Variants in HEMK2 observed in about 807,000 individuals in gnomAD.
HEMK2 encodes HemK methyltransferase 2, ETF1 glutamine and histone H4 lysine.
At chr21:28,618,985 G>C in the HEMK2 span, among the ~76,000 whole-genome samples, 1 of 152,122 alleles carries the variant, frequency 6.6e-6, no homozygotes, top group South Asian at 2.1e-4. Context: ...CTTTACAAAA[G>C]CTATGAAGTT....
chr21:28,853,045 T>C, the HEMK2 span, among the ~76,000 whole-genome samples: 1 of 152,220 alleles, frequency 6.6e-6, no homozygotes, highest in Non-Finnish European at 1.5e-5. Flanking sequence ...AGATCTGGCA[T>C]ATAGAGAAGA....
the HEMK2 span, among the ~76,000 whole-genome samples, chr21:28,786,261 G>A: frequency 6.6e-6 from 1 of 152,204 alleles, no homozygotes; most frequent in African/African-American, 2.4e-5. Context: ...TCACAAGGTT[G>A]TTGCAAAAAC....
chr21:28,761,782 T>C, the HEMK2 span, among the ~76,000 whole-genome samples: 17 of 151,860 alleles, frequency 1.1e-4, no homozygotes, highest in African/African-American at 4.1e-4. Flanking sequence ...ACGCAACAGG[T>C]TGAATAAATG....
At chr21:28,784,394 A>C in the HEMK2 span, among the ~76,000 whole-genome samples, 2 of 151,650 alleles carry the variant, frequency 1.3e-5, no homozygotes, top group African/African-American at 2.4e-5. Flanking sequence ...AAGGTTTGTA[A>C]GTGCACCAAT....
chr21:28,728,218 A>G, the HEMK2 span, among the ~76,000 whole-genome samples: 6 of 152,256 alleles, frequency 3.9e-5, no homozygotes, highest in Non-Finnish European at 8.8e-5. Flanking sequence ...GACACATCCC[A>G]TAATCATCCT....
chr21:28,694,369 C>A, the HEMK2 span, among the ~76,000 whole-genome samples: 1 of 152,198 alleles, frequency 6.6e-6, no homozygotes, highest in Non-Finnish European at 1.5e-5. Context: ...GCTCTAAGTA[C>A]TATGAGAAAA....
chr21:28,610,696 T>C, the HEMK2 span, among the ~76,000 whole-genome samples: 4 of 152,010 alleles, frequency 2.6e-5, no homozygotes, highest in African/African-American at 9.6e-5. Flanking sequence ...GGTAAAGATA[T>C]AGAAAAAAAT....
the HEMK2 span, among the ~76,000 whole-genome samples, chr21:28,821,199 C>T: frequency 6.6e-6 from 1 of 152,144 alleles, no homozygotes; most frequent in Non-Finnish European, 1.5e-5. Context: ...GACCCCGGCC[C>T]CCTCCATTTG....
chr21:28,678,813 G>C, the HEMK2 span, among the ~76,000 whole-genome samples: 3 of 152,154 alleles, frequency 2.0e-5, no homozygotes, highest in East Asian at 1.9e-4. Flanking sequence ...AAGTGAAGGA[G>C]AAATAAAATC....
At chr21:28,731,578 G>A in the HEMK2 span, among the ~76,000 whole-genome samples, 6 of 149,090 alleles carry the variant, frequency 4.0e-5, no homozygotes, top group East Asian at 1.2e-3. Context: ...CTCACAGGAA[G>A]GGGAACATCA....
the HEMK2 span, among the ~76,000 whole-genome samples, chr21:28,848,317 T>C: frequency 2.6e-5 from 4 of 152,338 alleles, no homozygotes; most frequent in Non-Finnish European, 5.9e-5. Flanking sequence ...TTTGTAATTC[T>C]AACTGTAGAA....
the HEMK2 span, among the ~76,000 whole-genome samples, chr21:28,690,392 G>C: frequency 1.3e-5 from 2 of 152,152 alleles, no homozygotes; most frequent in African/African-American, 4.8e-5. Context: ...AGAGGCCCCA[G>C]ATAAGAGCCC....
chr21:28,826,131 G>A, the HEMK2 span, among the ~76,000 whole-genome samples: 1 of 152,212 alleles, frequency 6.6e-6, no homozygotes, highest in South Asian at 2.1e-4. Flanking sequence ...ACTCATGAAA[G>A]TGGAAAAGTT....
At chr21:28,721,187 C>T in the HEMK2 span, among the ~76,000 whole-genome samples, 2 of 152,172 alleles carry the variant, frequency 1.3e-5, no homozygotes, top group Non-Finnish European at 2.9e-5. Context: ...GTAATCATAG[C>T]TCAATGAAGC....
At chr21:28,585,673 T>C in the HEMK2 span, among the ~76,000 whole-genome samples, 1 of 151,262 alleles carries the variant, frequency 6.6e-6, no homozygotes, top group Non-Finnish European at 1.5e-5. Flanking sequence ...TGAAAAAGAG[T>C]GTATGGACAA....
the HEMK2 span, among the ~76,000 whole-genome samples, chr21:28,683,006 C>T: frequency 6.6e-6 from 1 of 151,730 alleles, no homozygotes; most frequent in South Asian, 2.1e-4. Flanking sequence ...TGTAACAAAC[C>T]TGCACGTTGT....
the HEMK2 span, among the ~76,000 whole-genome samples, chr21:28,781,293 C>T: frequency 2.6e-5 from 4 of 152,172 alleles, no homozygotes. Flanking sequence ...TGCTTCTGTT[C>T]TATATCAACT....
the HEMK2 span, among the ~76,000 whole-genome samples, chr21:28,592,427 C>T: frequency 6.6e-6 from 1 of 152,086 alleles, no homozygotes; most frequent in African/African-American, 2.4e-5. Flanking sequence ...GTCATTAACA[C>T]GGCAGAAAAA....
the HEMK2 span, chr21:28,878,417 C>A: frequency 2.4e-4 from 367 of 1,503,316 alleles, 6 homozygotes; most frequent in South Asian, 4.1e-3. Flanking sequence ...AGTAATATCA[C>A]CAAAAAAGTA....
Sources: gnomAD v4.1 joint callset for allele counts (sites outside exome capture counted in the v4.1 genomes callset) on GRCh38, gnomAD v4.1.1 for gene constraint, MANE v1.5 for transcripts, NCBI Gene and HGNC (gene_info 2026-07-23, HGNC 2026-07-21) for gene names.